The following VAX1 variants were observed in gnomAD, a reference collection of about 807,000 sequenced individuals.
VAX1 encodes ventral anterior homeobox 1.
A neutral mutation model predicts 17.6 loss-of-function variants in VAX1; 6 were observed. The observed-to-expected ratio is 0.34, with a 90% CI of 0.19 to 0.67. The LOEUF (loss-of-function observed/expected upper bound fraction) is 0.67, where lower values mean the gene tolerates loss of function less well. VAX1 is among the 30% of genes least tolerant of loss of function. VAX1 has a pLI of 0.69. For missense variants in VAX1, 408 were observed against 463.7 expected (o/e 0.88, Z 1.10); for synonymous variants, 256 against 227.4 (o/e 1.13, Z -1.13).
chr10:117,137,560 C>T lies in VAX1; in HGVS notation c.241+256G>A, dbSNP rs1159319075. ...GGCCGCAGCCCGATGCCCGGCCGCA[C>T]CCGCGCAGCCCCTCATCTCCCCCCG... On this transcript the variant is annotated intron_variant, in intron 1 of 2. Coordinates refer to ENST00000369206, the MANE Select transcript of VAX1 (RefSeq NM_001112704.2). The surrounding 1 kb of genome is among the most constrained non-coding windows in gnomAD (Gnocchi z 7.4). Among the ~76,000 whole-genome samples the T allele has an allele frequency of 1.3e-5, 2 of 152,216 alleles. No individual in the cohort carries two copies. The highest frequency in any genetic ancestry group is 3.9e-4 in the East Asian group (2 of 5,168).
At position 117,137,883 on chromosome 10, in the gene VAX1, C is replaced by G. The variant is rs766681363; in HGVS notation, c.174G>C (p.Glu58Asp). ...QGAFSASGAA[E>D]DCNKSKSNSA... is the part of the protein sequence containing the mutation. ...AATTGGATTTACTTTTGTTACAATC[C>G]TCAGCAGCGCCCGACGCTGAGAAGG... Residue 58 changes from glutamate to aspartate, a missense_variant, in exon 1 of 3, where the codon GAG becomes GAC. This residue lies in a region of VAX1 where 133 missense variants were observed against 112.0 expected (regional missense o/e 1.19). Transcript: ENST00000369206. This position sits in a 1 kb window ranked among gnomAD's most constrained non-coding sequence, Gnocchi z 7.4. The G allele has an allele frequency of 6.2e-7, 1 of 1,613,834 alleles. No homozygotes were observed. Among genetic ancestry groups the G allele is most frequent in the Non-Finnish European group, 8.5e-7 (1 of 1,180,000 alleles).
In VAX1 at chr10:117,134,668, C is replaced by G. The variant is rs910479054; in HGVS notation, c.430-85G>C. On this transcript the variant is annotated intron_variant, in intron 2 of 2. Transcript: ENST00000369206. The surrounding 1 kb of genome is among the most constrained non-coding windows in gnomAD (Gnocchi z 6.2). The stretch of plus-strand genomic sequence containing the variant: ...AAGCGAGCTCCCGGGGCGCGCGGCT[C>G]CGGGGCTCTCCCCAAGTCCCAGCCC... 4.5e-6 allele frequency: 6 copies of G among 1,338,748 alleles called. No individual in the cohort carries two copies. The Admixed American group carries it at 1.4e-4, about 30-fold the overall frequency. 82.9% of individuals were successfully genotyped at this position (1,338,748 alleles called of 1,614,324 possible).
At position 117,134,048 on chromosome 10, in the gene VAX1, G is replaced by C. The variant is rs1345819807; in HGVS notation, c.965C>G (p.Thr322Ser). ...TTTCTCGGCCCCTTCTTTATTGTTG[G>C]TCCGGGAGTAAGGCTCGAAGGCCGA... ...SSSAFEPYSR[T>S]NNKEGAEKKA... The change falls in exon 3 of 3, where the codon ACC becomes AGC. Residue 322 changes from threonine to serine, a missense_variant. Physicochemically the swap from Thr to Ser is moderately conservative, Grantham distance 58. Coordinates refer to ENST00000369206, the MANE Select transcript of VAX1 (RefSeq NM_001112704.2). This position sits in a 1 kb window ranked among gnomAD's most constrained non-coding sequence, Gnocchi z 6.2. 1 of 1,527,172 alleles carries C rather than the reference G, an allele frequency of 6.5e-7. No homozygotes were observed. Among genetic ancestry groups the C allele is most frequent in the Admixed American group, 2.1e-5 (1 of 47,300 alleles). The allele number at this position is 1,527,172 out of a possible 1,614,324, so 94.6% of individuals were successfully genotyped here. A position where few individuals can be genotyped will look rare whatever the true frequency, so the allele number is the denominator to read the frequency against.
rs774501822 is a variant in VAX1 at position 117,136,604 on chromosome 10, C to A, written c.297G>T (p.Arg99=). Residue 99 remains arginine, a synonymous_variant, in exon 2 of 3, where the codon CGG becomes CGT. Transcript: ENST00000369206. The surrounding 1 kb of genome is among the most constrained non-coding windows in gnomAD (Gnocchi z 5.0). ...TGAAGGACGTGCGCGTCCTCTTAGG[C>A]CGGTCCAAGTCCAGGCCCTTGGGCA... is the stretch of plus-strand genomic sequence containing the variant. ...IILPKGLDLD[R]PKRTRTSFTA... The A allele has an allele frequency of 6.2e-7, 1 of 1,613,676 alleles. No homozygotes were observed. The highest frequency in any genetic ancestry group is 8.5e-7 in the Non-Finnish European group (1 of 1,179,922).
Position 117,133,501 on chromosome 10 carries a change from C to A in VAX1, c.*507G>T. On this transcript the variant is annotated 3_prime_UTR_variant, in exon 3 of 3. Coordinates refer to ENST00000369206, the MANE Select transcript of VAX1 (RefSeq NM_001112704.2). ...TCCGCAAAGCGGGGCCCAGGGGCTC[C>A]CACAAGCCCTGGTTTCCCTGGCAAG... 1 of 985,592 alleles carries A rather than the reference C, an allele frequency of 1.0e-6. No individual in the cohort carries two copies. The highest frequency in any genetic ancestry group is 1.2e-6 in the Non-Finnish European group (1 of 830,064). The allele number at this position is 985,592 out of a possible 1,614,324, so 61.1% of individuals were successfully genotyped here.
At position 117,134,034 on chromosome 10, in the gene VAX1, CT is replaced by C; in HGVS notation, c.978del (p.Ala328ProfsTer54). ...CAGTCCAGCGCTTTTTTCTCGGCCC[CT>C]TCTTTATTGTTGGTCCGGGAGTAAG... ...FEPYSRTNNK[E>X]GAEKKALD On this transcript the variant is annotated frameshift_variant, in exon 3 of 3. Transcript: ENST00000369206. LOFTEE classifies it high-confidence loss of function. This position sits in a 1 kb window ranked among gnomAD's most constrained non-coding sequence, Gnocchi z 6.2. 6.6e-7 allele frequency: 1 copy of C among 1,524,046 alleles called. No individual in the cohort carries two copies. The highest frequency in any genetic ancestry group is 8.8e-7 in the Non-Finnish European group (1 of 1,135,208). The allele number at this position is 1,524,046 out of a possible 1,614,324, so 94.4% of individuals were successfully genotyped here. A position where few individuals can be genotyped will look rare whatever the true frequency, so the allele number is the denominator to read the frequency against.
Position 117,137,841 on chromosome 10 carries a change from A to T in VAX1, c.216T>A (p.Asp72Glu), listed in dbSNP as rs1422260776. Residue 72 changes from aspartate to glutamate, a missense_variant, in exon 1 of 3, where the codon GAT becomes GAA. Around this residue, in one of 4 missense-constraint regions of VAX1, gnomAD observed 133 missense variants for 112.0 expected, o/e 1.19. Coordinates refer to ENST00000369206, the MANE Select transcript of VAX1 (RefSeq NM_001112704.2). This position sits in a 1 kb window ranked among gnomAD's most constrained non-coding sequence, Gnocchi z 7.4. ...KSKSNSAADP[D>E]YCRRILVRDA... ...CTCGGACCAGGATCCGGCGGCAGTAATCCGGGTCCGCTGCGGAATTGGATT... is the reference window on the plus strand; with the variant it reads ...CTCGGACCAGGATCCGGCGGCAGTATTCCGGGTCCGCTGCGGAATTGGATT... 1.2e-6 allele frequency: 2 copies of T among 1,612,866 alleles called. No homozygotes were observed. The highest frequency in any genetic ancestry group is 1.7e-6 in the Non-Finnish European group (2 of 1,179,856).
At position 117,136,351 on chromosome 10, in the gene VAX1, TCTC is replaced by T; in HGVS notation, c.429+118_429+120del. 8.1e-7 allele frequency: 1 copy of T among 1,234,426 alleles called. No individual in the cohort carries two copies. Among genetic ancestry groups the T allele is most frequent in the East Asian group, 2.5e-5 (1 of 39,306 alleles). The allele number at this position is 1,234,426 out of a possible 1,614,324, so 76.5% of individuals were successfully genotyped here. A position where few individuals can be genotyped will look rare whatever the true frequency, so the allele number is the denominator to read the frequency against. ...AGGCCTGTCTTACCCATCCTTCCCA[TCTC>T]CTCCACCTCCCAAGGGTAGTTCTGT... On this transcript the variant is annotated intron_variant, in intron 2 of 2. Transcript: ENST00000369206. The surrounding 1 kb of genome is among the most constrained non-coding windows in gnomAD (Gnocchi z 5.0).
At chr10:117,132,466 T>G (rs1246765639), downstream of VAX1, 1 of 1,611,752 alleles carries the variant, frequency 6.2e-7, no homozygotes, top group South Asian at 1.1e-5. The surrounding 1 kb of genome is among the most constrained non-coding windows in gnomAD (Gnocchi z 4.9). Context: ...CATTATTTTC[T>G]TCACTATTTG....
chr10:117,136,952 G>C lies in VAX1; in HGVS notation c.242-293C>G, dbSNP rs996310142. Among the ~76,000 whole-genome samples the C allele has an allele frequency of 7.9e-5, 12 of 152,194 alleles. No individual in the cohort carries two copies. The highest frequency in any genetic ancestry group is 2.9e-4 in the African/African-American group (12 of 41,454). The stretch of plus-strand genomic sequence containing the variant: ...ATAGGCGGACGTTTCTTCCGGCCTG[G>C]GGGGGCCTCGGCTGAGCCTTCCGGG... On this transcript the variant is annotated intron_variant, in intron 1 of 2. Coordinates refer to ENST00000369206, the MANE Select transcript of VAX1 (RefSeq NM_001112704.2). This position sits in a 1 kb window ranked among gnomAD's most constrained non-coding sequence, Gnocchi z 5.0.
downstream of VAX1, chr10:117,131,316 A>G (rs1180370606): frequency 6.6e-6 from 1 of 152,460 alleles, no homozygotes; most frequent in Non-Finnish European, 1.5e-5. Context: ...AGTTTCAAGC[A>G]AGAGAAAGTA....
In VAX1 at chr10:117,133,611, T is replaced by C. The variant is rs1172714831; in HGVS notation, c.*397A>G. 3 of 990,284 alleles carry C rather than the reference T, an allele frequency of 3.0e-6. No homozygotes were observed. The highest frequency in any genetic ancestry group is 3.6e-6 in the Non-Finnish European group (3 of 833,424). 61.3% of individuals were successfully genotyped at this position (990,284 alleles called of 1,614,324 possible). On this transcript the variant is annotated 3_prime_UTR_variant, in exon 3 of 3. Coordinates refer to ENST00000369206, the MANE Select transcript of VAX1 (RefSeq NM_001112704.2). The stretch of plus-strand genomic sequence containing the variant: ...GCAGTTTTCCTCTTTCAAATATTCC[T>C]AGGAATAGTCGGCAGCGGCAGCAGC...
At chr10:117,132,799 G>A (rs1218036142), downstream of VAX1, among the ~76,000 whole-genome samples, 1 of 152,172 alleles carries the variant, frequency 6.6e-6, no homozygotes, top group Non-Finnish European at 1.5e-5. The surrounding 1 kb of genome is among the most constrained non-coding windows in gnomAD (Gnocchi z 4.9). Flanking sequence ...TCTGGACTCC[G>A]AGACTACTGC....
rs998761287 is a variant in VAX1 at position 117,136,896 on chromosome 10, A to G, written c.242-237T>C. 3.3e-5 allele frequency among the ~76,000 whole-genome samples: 5 copies of G among 152,188 alleles called. No individual in the cohort carries two copies. The highest frequency in any genetic ancestry group is 1.2e-4 in the African/African-American group (5 of 41,460). On this transcript the variant is annotated intron_variant, in intron 1 of 2. Transcript: ENST00000369206. The surrounding 1 kb of genome is among the most constrained non-coding windows in gnomAD (Gnocchi z 5.0). ...TGTCTTTTTGTAGAGTCCTCCAGAC[A>G]GGGGAGAGAAAAAAATCCAATCAAT...
At position 117,133,562 on chromosome 10, in the gene VAX1, C is replaced by A; in HGVS notation, c.*446G>T. The A allele has an allele frequency of 9.1e-6, 9 of 985,928 alleles. No homozygotes were observed. The highest frequency in any genetic ancestry group is 9.4e-5 in the South Asian group (2 of 21,312). 61.1% of individuals were successfully genotyped at this position (985,928 alleles called of 1,614,324 possible). ...GTCCTCCTTTTTTGGTCTAAAGAAACCTGGAAGCCCCTGGGGTCTGCGCGC... is the reference window on the plus strand; with the variant it reads ...GTCCTCCTTTTTTGGTCTAAAGAAAACTGGAAGCCCCTGGGGTCTGCGCGC... On this transcript the variant is annotated 3_prime_UTR_variant, in exon 3 of 3. Transcript: ENST00000369206.
rs1854124077 is a variant in VAX1, at chr10:117,133,819, G to A, written c.*189C>T. 1.8e-5 allele frequency: 24 copies of A among 1,333,196 alleles called. No individual in the cohort carries two copies. Among genetic ancestry groups the A allele is most frequent in the Non-Finnish European group, 2.3e-5 (24 of 1,051,396 alleles). The allele number at this position is 1,333,196 out of a possible 1,614,324, so 82.6% of individuals were successfully genotyped here. Reference sequence around the variant, plus strand: ...GGTTGGGGAGGAATCTCAGAGGAAAGGTAGTAGAAAAAAAAAATAGCCCGA... The same window carrying A: ...GGTTGGGGAGGAATCTCAGAGGAAAAGTAGTAGAAAAAAAAAATAGCCCGA... On this transcript the variant is annotated 3_prime_UTR_variant, in exon 3 of 3. Coordinates refer to ENST00000369206, the MANE Select transcript of VAX1 (RefSeq NM_001112704.2).
At chr10:117,133,037 G>T (rs537991403), downstream of VAX1, among the ~76,000 whole-genome samples, 11 of 152,230 alleles carry the variant, frequency 7.2e-5, no homozygotes, top group Admixed American at 5.2e-4. Context: ...GCCGGCAGCC[G>T]CTTTGCTCTT....
Position 117,136,696 on chromosome 10 carries a change from C to T in VAX1, c.242-37G>A, listed in dbSNP as rs1328941904. ...GAGATGTCAGCCGCCAGAACCCTCC[C>T]GTCCCCCTCCACCTCCTTGGCCCGA... On this transcript the variant is annotated intron_variant, in intron 1 of 2. Coordinates refer to ENST00000369206, the MANE Select transcript of VAX1 (RefSeq NM_001112704.2). This position sits in a 1 kb window ranked among gnomAD's most constrained non-coding sequence, Gnocchi z 5.0. 4 of 1,587,030 alleles carry T rather than the reference C, an allele frequency of 2.5e-6. No homozygotes were observed. The highest frequency in any genetic ancestry group is 3.4e-6 in the Non-Finnish European group (4 of 1,161,894).
rs1409656368 is a variant in VAX1 at position 117,137,779 on chromosome 10, C to T, written c.241+37G>A. 3 of 1,609,406 alleles carry T rather than the reference C, an allele frequency of 1.9e-6. No homozygotes were observed. The highest frequency in any genetic ancestry group is 2.5e-6 in the Non-Finnish European group (3 of 1,179,740). ...GCGCAGCTCCGGCCCCGGAGTCGAC[C>T]CCAAAGAACGCGCCTGGCAGCCCTG... On this transcript the variant is annotated intron_variant, in intron 1 of 2. Transcript: ENST00000369206. This position sits in a 1 kb window ranked among gnomAD's most constrained non-coding sequence, Gnocchi z 7.4.
Sources: allele counts gnomAD v4.1 joint callset (sites outside exome capture counted in the v4.1 genomes callset), GRCh38; gene constraint gnomAD v4.1.1; regional missense constraint gnomAD v4.1.1; non-coding constraint Gnocchi (gnomAD v3.1); transcripts MANE v1.5; gene names NCBI Gene and HGNC (gene_info 2026-07-23, HGNC 2026-07-21).